Variants in OPA1 observed in about 807,000 individuals in gnomAD.
The protein encoded by OPA1 is OPA1 mitochondrial dynamin like GTPase.
Under a neutral mutation model 152.9 loss-of-function variants are expected in OPA1, and 59 were observed. The ratio of observed to expected loss-of-function variants is 0.39; its 90% CI spans 0.31 to 0.48. The LOEUF (loss-of-function observed/expected upper bound fraction) is 0.48, where lower values mean the gene tolerates loss of function less well. Among genes scored for constraint, OPA1 ranks in the 20% least tolerant of loss-of-function variants. The pLI is 0.96. For synonymous variants in OPA1, 400 were observed against 389.9 expected (o/e 1.03, Z -0.31); for missense variants, 1,008 against 1,216.8 (o/e 0.83, Z 2.55).
chr3:193,691,965 G>T (rs191842158), intron 29 of OPA1, 98 bp from the exon 30 acceptor site: 2 of 721,016 alleles, frequency 2.8e-6, no homozygotes, highest in African/African-American at 1.8e-5. Context: ...TCTTTTTCCC[G>T]CAAATAGTTA....
At chr3:193,685,355 TTC>T (rs979464617) in intron 29 of OPA1, among the ~76,000 whole-genome samples, 1 of 152,176 alleles carries the variant, frequency 6.6e-6, no homozygotes, top group African/African-American at 2.4e-5. Flanking sequence ...TTTTTATATA[TTC>T]AGCAGGCATC....
rs1717267857 is a variant in OPA1, at chr3:193,668,753, A to C, written c.2983+1473A>C. 9 of 1,251,394 alleles carry C rather than the reference A, an allele frequency of 7.2e-6. No homozygotes were observed. The South Asian group carries it at 1.2e-4, about 17-fold the overall frequency. The allele number at this position is 1,251,394 out of a possible 1,614,324, so 77.5% of individuals were successfully genotyped here. On this transcript the variant is annotated intron_variant, in intron 29 of 30. Coordinates refer to ENST00000361510, the MANE Select transcript of OPA1 (RefSeq NM_130837.3). ...CATGGCTTCCCCTTCCCACCCCCCT[A>C]GCTTGGCCCTACTAATAATCACTTT...
At chr3:193,688,444 CTTTTCTTTTTTTTTTTTTTTTTTT>C (rs1414033462) in intron 29 of OPA1, among the ~76,000 whole-genome samples, 390 of 38,530 alleles carry the variant, frequency 0.01, 83 homozygotes, top group Admixed American at 0.019. Flanking sequence ...TGAAATGGGT[CTTTTCTTTTTTTTTTTTTTTTTTT>C]TTTTTTTTTT....
chr3:193,615,670 T>C lies in OPA1; in HGVS notation c.352-4T>C. On this transcript the variant is annotated splice_region_variant and splice_polypyrimidine_tract_variant and intron_variant, in intron 2 of 30. Transcript: ENST00000361510. ...TCTGATTGACACACTTTCTTGTCTT[T>C]TAGACTTTTGATCAGTGGAAAGATA... 6.4e-7 allele frequency: 1 copy of C among 1,565,084 alleles called. No individual in the cohort carries two copies. Among genetic ancestry groups the C allele is most frequent in the South Asian group, 1.1e-5 (1 of 90,086 alleles).
chr3:193,638,442 T>C (rs1264658393), intron 11 of OPA1, among the ~76,000 whole-genome samples: 1 of 152,174 alleles, frequency 6.6e-6, no homozygotes, highest in Non-Finnish European at 1.5e-5. Context: ...ATTGTTGAAT[T>C]AAGGGAAGGT....
Position 193,614,903 on chromosome 3 carries a change from T to C in OPA1, c.213T>C (p.Arg71=). 6.2e-7 allele frequency: 1 copy of C among 1,614,004 alleles called. No individual in the cohort carries two copies. Residue 71 remains arginine (R), a synonymous_variant, in exon 2 of 31, where the codon CGT becomes CGC. Transcript: ENST00000361510. ...QFSSLTNLPL[R]KLKFSPIKYG... ...CTTCTCTGACAAACCTTCCTTTACG[T>C]AAACTGAAATTCTCTCCAATTAAAT...
chr3:193,617,472 T>C (rs1169480398), intron 4 of OPA1, among the ~76,000 whole-genome samples, 187 bp downstream of exon 4: 2 of 152,178 alleles, frequency 1.3e-5, no homozygotes, highest in African/African-American at 4.8e-5. Context: ...TGTAGCCCAG[T>C]AAAATGACAG....
intron 29 of OPA1, chr3:193,668,528 A>G (rs1248703621): frequency 1.3e-6 from 2 of 1,548,452 alleles, no homozygotes; most frequent in Admixed American, 3.9e-5. Context: ...CCTCTGCCCG[A>G]CCCCAGACAG....
chr3:193,658,719 A>G (rs1273460195), intron 23 of OPA1, among the ~76,000 whole-genome samples, 168 bp from the exon 24 acceptor site: 1 of 152,256 alleles, frequency 6.6e-6, no homozygotes, highest in African/African-American at 2.4e-5. Context: ...CTAACAAATA[A>G]GCAGGCAAGT....
At chr3:193,620,156 T>C (rs1729792199) in intron 6 of OPA1, among the ~76,000 whole-genome samples, 1 of 152,220 alleles carries the variant, frequency 6.6e-6, no homozygotes, top group Non-Finnish European at 1.5e-5. Flanking sequence ...TTAAATTTAC[T>C]GTGGAGAGAA....
Position 193,644,184 on chromosome 3 carries a change from A to C in OPA1, c.1608+79A>C. ...TGATAGGGATTTGTTATTTAAAAAA[A>C]CAACAACAACAACAAAAAAACACCT... On this transcript the variant is annotated intron_variant, in intron 16 of 30. Transcript: ENST00000361510. 13 of 1,469,026 alleles carry C rather than the reference A, an allele frequency of 8.8e-6. No individual in the cohort carries two copies. The South Asian group carries it at 1.2e-4, about 13-fold the overall frequency. The allele number at this position is 1,469,026 out of a possible 1,614,324, so 91.0% of individuals were successfully genotyped here.
intron 29 of OPA1, among the ~76,000 whole-genome samples, chr3:193,680,167 G>T (rs1466452708): frequency 6.6e-6 from 1 of 151,636 alleles, no homozygotes; most frequent in African/African-American, 2.4e-5. Flanking sequence ...CTTTTTTTAT[G>T]AATTTTTAGT....
At chr3:193,647,392 C>A (rs1734827888) in intron 19 of OPA1, among the ~76,000 whole-genome samples, 1 of 152,126 alleles carries the variant, frequency 6.6e-6, no homozygotes, top group East Asian at 1.9e-4. Flanking sequence ...TCTAGAAACA[C>A]ATTTGCAGAG....
intron 1 of OPA1, among the ~76,000 whole-genome samples, chr3:193,595,902 T>C (rs1326818212): frequency 6.6e-6 from 1 of 152,210 alleles, no homozygotes; most frequent in Non-Finnish European, 1.5e-5. Flanking sequence ...TTTGTACTCG[T>C]CGTCTGTTAA....
At chr3:193,660,913 T>A (rs1392436307) in intron 25 of OPA1, among the ~76,000 whole-genome samples, 1 of 152,152 alleles carries the variant, frequency 6.6e-6, no homozygotes. Flanking sequence ...GGAAGATGCA[T>A]TGATTAGAAA....
At chr3:193,600,182 C>A (rs1369068915) in intron 1 of OPA1, among the ~76,000 whole-genome samples, 1 of 152,224 alleles carries the variant, frequency 6.6e-6, no homozygotes, top group African/African-American at 2.4e-5. Context: ...TTTTGGTCAG[C>A]CCCTCAATTT....
intron 18 of OPA1, 70 bp from the exon 19 acceptor site, chr3:193,646,995 C>G: frequency 1.0e-6 from 1 of 965,066 alleles, no homozygotes; most frequent in Non-Finnish European, 1.6e-6. Flanking sequence ...CATTCGCAGA[C>G]TTGGTGGTAG....
At chr3:193,648,639 A>T (rs191302056) in intron 20 of OPA1, 156 bp from the exon 21 acceptor site, 221 of 557,034 alleles carry the variant, frequency 4.0e-4, no homozygotes, top group African/African-American at 3.5e-3. Flanking sequence ...TGGCATTCCT[A>T]AAAAAAAACA....
chr3:193,658,742 T>G (rs1457204356), intron 23 of OPA1, 145 bp from the exon 24 acceptor site: 3 of 645,404 alleles, frequency 4.6e-6, no homozygotes, highest in Non-Finnish European at 8.4e-6. Flanking sequence ...AAGAAGCTTA[T>G]GCATTTTTAT....
Sources: allele counts gnomAD v4.1 joint callset (sites outside exome capture counted in the v4.1 genomes callset), GRCh38; gene constraint gnomAD v4.1.1; transcripts MANE v1.5; gene names NCBI Gene and HGNC (gene_info 2026-07-23, HGNC 2026-07-21).